NOX4: variants seen among roughly 807,000 people sequenced by gnomAD.
The protein encoded by NOX4 is NADPH oxidase 4.
A neutral mutation model predicts 87.6 loss-of-function variants in NOX4; 69 were observed. That is an observed-to-expected ratio of 0.79 (90% CI 0.65 to 0.96). The LOEUF (loss-of-function observed/expected upper bound fraction) is 0.96. Ranked by LOEUF, NOX4 falls within the 40% of genes least tolerant of loss-of-function variation. NOX4 has a pLI of 0.00. For synonymous variants in NOX4, 275 were observed against 238.2 expected, an observed-to-expected ratio of 1.15 and a Z score of -1.42; for missense variants, 680 against 681.5, an observed-to-expected ratio of 1.00 and a Z score of 0.02.
chr11:89,536,104 G>T, the NOX4 span, among the ~76,000 whole-genome samples: 2 of 150,010 alleles, frequency 1.3e-5, no homozygotes, highest in African/African-American at 4.9e-5. Flanking sequence ...TAAAGCTCAG[G>T]GTTCTCAGCA....
At chr11:89,455,785 A>G (rs574128458) in intron 2 of NOX4, among the ~76,000 whole-genome samples, 1 of 150,958 alleles carries the variant, frequency 6.6e-6, no homozygotes, top group East Asian at 1.9e-4. Context: ...TCCTAGTTAC[A>G]TTATTCTTAC....
At chr11:89,412,680 C>A (rs548142800) in intron 8 of NOX4, among the ~76,000 whole-genome samples, 1 of 151,950 alleles carries the variant, frequency 6.6e-6, no homozygotes, top group South Asian at 2.1e-4. Flanking sequence ...TTAAAAAAAT[C>A]AAAATTGATT....
At chr11:89,509,193 G>T in the NOX4 span, among the ~76,000 whole-genome samples, 133 of 152,052 alleles carry the variant, frequency 8.7e-4, 1 homozygote, top group African/African-American at 3.2e-3. Flanking sequence ...CAACAGAATT[G>T]CATGGCCAAA....
intron 12 of NOX4, among the ~76,000 whole-genome samples, chr11:89,368,711 G>C (rs1267772734): frequency 6.6e-6 from 1 of 151,922 alleles, no homozygotes; most frequent in Non-Finnish European, 1.5e-5. Flanking sequence ...CGAATTACAG[G>C]GGACACATTC....
At chr11:89,455,830 T>C (rs1032936309) in intron 2 of NOX4, among the ~76,000 whole-genome samples, 2 of 151,468 alleles carry the variant, frequency 1.3e-5, no homozygotes, top group African/African-American at 4.8e-5. Context: ...TCCATCAAAT[T>C]TGGTAATCAA....
chr11:89,325,267 G>GCACCCGCCACCA lies in NOX4; in HGVS notation c.*1477_*1488dup, dbSNP rs753348365. 3 of 151,652 alleles carry GCACCCGCCACCA rather than the reference G, an allele frequency of 2.0e-5. No individual in the cohort carries two copies. Among genetic ancestry groups the GCACCCGCCACCA allele is most frequent in the Non-Finnish European group, 4.4e-5 (3 of 67,944 alleles). 9.4% of individuals were successfully genotyped at this position (151,652 alleles called of 1,614,324 possible). On this transcript the variant is annotated 3_prime_UTR_variant, in exon 18 of 18. Transcript: ENST00000263317. ...GTCTCCCGAGTAGTTGGGATTATAG[G>GCACCCGCCACCA]CACCCGCCACCACACCCGCCTAATA...
chr11:89,429,053 A>AT (rs1268049131), intron 7 of NOX4, among the ~76,000 whole-genome samples: 2 of 152,210 alleles, frequency 1.3e-5, no homozygotes, highest in African/African-American at 2.4e-5. Context: ...AGGATTAAGA[A>AT]CTCACTCAAA....
At chr11:89,371,720 C>G (rs1231094976) in intron 12 of NOX4, among the ~76,000 whole-genome samples, 1 of 151,592 alleles carries the variant, frequency 6.6e-6, no homozygotes, top group African/African-American at 2.4e-5. Context: ...TTATATTGGG[C>G]ATATTGTGAT....
At chr11:89,388,958 G>T (rs191313102) in intron 11 of NOX4, among the ~76,000 whole-genome samples, 21 of 152,202 alleles carry the variant, frequency 1.4e-4, no homozygotes, top group Admixed American at 4.6e-4. Flanking sequence ...ATCATTAACT[G>T]CACTTTTATA....
At chr11:89,468,807 T>C (rs1253766533) in intron 2 of NOX4, among the ~76,000 whole-genome samples, 1 of 152,188 alleles carries the variant, frequency 6.6e-6, no homozygotes, top group East Asian at 1.9e-4. Flanking sequence ...TCCAATGGTG[T>C]AATCACAGCT....
At chr11:89,517,924 T>G in the NOX4 span, among the ~76,000 whole-genome samples, 242 of 152,216 alleles carry the variant, frequency 1.6e-3, 2 homozygotes, top group Admixed American at 0.014. Context: ...GAGGAATATT[T>G]GTAAAATTCT....
intron 3 of NOX4, among the ~76,000 whole-genome samples, chr11:89,449,967 C>A (rs988853817): frequency 6.6e-6 from 1 of 152,018 alleles, no homozygotes; most frequent in African/African-American, 2.4e-5. Flanking sequence ...CTTTTACAGT[C>A]AAAAAATAAG....
chr11:89,531,688 T>C, the NOX4 span, among the ~76,000 whole-genome samples: 1 of 152,312 alleles, frequency 6.6e-6, no homozygotes, highest in Non-Finnish European at 1.5e-5. Flanking sequence ...CTCTCTACTG[T>C]CATCAAGCAA....
chr11:89,535,599 C>T, the NOX4 span, among the ~76,000 whole-genome samples: 1 of 152,172 alleles, frequency 6.6e-6, no homozygotes. Context: ...GTCTCTCTCT[C>T]CTTTCCTTTC....
intron 12 of NOX4, among the ~76,000 whole-genome samples, chr11:89,357,416 T>C (rs1297455520): frequency 1.3e-5 from 2 of 152,170 alleles, no homozygotes; most frequent in East Asian, 3.9e-4. Flanking sequence ...TTACTCTGTT[T>C]AATTTACAAA....
rs1208007737 is a variant in NOX4 at position 89,399,432 on chromosome 11, AATATATATATATATATATATAT to A, written c.1074+563_1074+584del. 3.8e-4 allele frequency among the ~76,000 whole-genome samples: 29 copies of A among 75,644 alleles called. 1 individual carries two copies. The highest frequency in any genetic ancestry group is 6.7e-4 in the African/African-American group (13 of 19,464). 49.6% of individuals were successfully genotyped at this position (75,644 alleles called of 152,430 possible). A position where few individuals can be genotyped will look rare whatever the true frequency, so the allele number is the denominator to read the frequency against. ...AGAAAAGTAAATATTCAAGAAATTA[AATATATATATATATATATATAT>A]ATATATATATATATATATTTGTTTT... On this transcript the variant is annotated intron_variant, in intron 11 of 17. Transcript: ENST00000263317.
the NOX4 span, among the ~76,000 whole-genome samples, chr11:89,506,223 G>GGGAA: frequency 6.9e-6 from 1 of 144,250 alleles, no homozygotes; most frequent in Non-Finnish European, 1.5e-5. Context: ...GAAAGAAAGA[G>GGGAA]AGAAAGAAAG....
the NOX4 span, among the ~76,000 whole-genome samples, chr11:89,503,779 T>G: frequency 6.7e-6 from 1 of 150,246 alleles, no homozygotes; most frequent in African/African-American, 2.4e-5. Flanking sequence ...AGTTTTGTGA[T>G]TCTACAAATT....
intron 2 of NOX4, among the ~76,000 whole-genome samples, chr11:89,477,321 C>T (rs1381307160): frequency 2.0e-5 from 3 of 152,046 alleles, no homozygotes; most frequent in Non-Finnish European, 4.4e-5. Flanking sequence ...CAATAAGGTT[C>T]ATGCTCTTAA....
Sources: gnomAD v4.1 joint callset for allele counts (sites outside exome capture counted in the v4.1 genomes callset) on GRCh38, gnomAD v4.1.1 for gene constraint, MANE v1.5 for transcripts, NCBI Gene and HGNC (gene_info 2026-07-23, HGNC 2026-07-21) for gene names.